ORC3: variants seen among roughly 807,000 people sequenced by gnomAD.
The protein encoded by ORC3 is homolog of latheo, Drosophila.
In ORC3, 78 loss-of-function variants were observed where a neutral mutation model predicts 100.7. The ratio of observed to expected loss-of-function variants is 0.77; its 90% CI spans 0.65 to 0.94. ORC3 has a LOEUF of 0.94. Ranked by LOEUF, ORC3 falls within the 40% of genes least tolerant of loss-of-function variation. ORC3 has a pLI of 0.00. For missense variants in ORC3, 789 were observed against 823.9 expected (o/e 0.96, Z 0.52); for synonymous variants, 295 against 289.3 (o/e 1.02, Z -0.20).
At position 87,666,787 on chromosome 6, in the gene ORC3, A is replaced by T. The variant is rs536275377; in HGVS notation, c.2031-231A>T. 1.3e-3 allele frequency among the ~76,000 whole-genome samples: 202 copies of T among 152,176 alleles called. 2 individuals carry two copies. Among genetic ancestry groups the T allele is most frequent in the South Asian group, 0.013 (62 of 4,820 alleles). The stretch of plus-strand genomic sequence containing the variant: ...CGTTTAGAAGTGGGGGCGGGGAGCA[A>T]TTTCCATACTATGTAGAACATTAGA... On this transcript the variant is annotated intron_variant, in intron 19 of 19. Coordinates refer to ENST00000392844, the MANE Select transcript of ORC3 (RefSeq NM_012381.4).
chr6:87,658,021 A>G lies in ORC3; in HGVS notation c.1691+3A>G. The stretch of plus-strand genomic sequence containing the variant: ...AACTTCATTGACTGTCTAGTGAGGT[A>G]AGTCTAAATTTAGCTCTTAAGAGCT... On this transcript the variant is annotated splice_donor_region_variant and intron_variant, in intron 16 of 19. Transcript: ENST00000392844. The G allele has an allele frequency of 6.5e-7, 1 of 1,541,998 alleles. No homozygotes were observed. Among genetic ancestry groups the G allele is most frequent in the Non-Finnish European group, 9.0e-7 (1 of 1,115,710 alleles).
chr6:87,662,493 GAT>G (rs1770266902), intron 16 of ORC3, among the ~76,000 whole-genome samples: 1 of 152,126 alleles, frequency 6.6e-6, no homozygotes, highest in South Asian at 2.1e-4. Flanking sequence ...TTCCATGAAA[GAT>G]ATCAACTAAA....
At chr6:87,614,014 G>T (rs375945686) in intron 8 of ORC3, among the ~76,000 whole-genome samples, 4 of 152,322 alleles carry the variant, frequency 2.6e-5, no homozygotes, top group African/African-American at 9.6e-5. Flanking sequence ...TAAGGACTCT[G>T]TGTGGGGACT....
intron 8 of ORC3, among the ~76,000 whole-genome samples, chr6:87,613,765 T>C (rs999062025): frequency 6.6e-6 from 1 of 152,210 alleles, no homozygotes; most frequent in Admixed American, 6.5e-5. Context: ...GATGATCTCC[T>C]TTGACTCCAT....
chr6:87,637,849 C>CT (rs1400593953), intron 13 of ORC3, among the ~76,000 whole-genome samples: 3 of 152,208 alleles, frequency 2.0e-5, no homozygotes, highest in African/African-American at 7.2e-5. Context: ...TGAAGGCTTG[C>CT]TGTGTGCAAG....
At chr6:87,641,631 G>A (rs188442314) in intron 13 of ORC3, among the ~76,000 whole-genome samples, 268 of 152,260 alleles carry the variant, frequency 1.8e-3, no homozygotes, top group African/African-American at 6.2e-3. Context: ...AATCGAAGGT[G>A]ATTGATAGCT....
chr6:87,601,000 G>A (rs185666817), intron 2 of ORC3, among the ~76,000 whole-genome samples: 2 of 152,268 alleles, frequency 1.3e-5, no homozygotes, highest in African/African-American at 4.8e-5. Flanking sequence ...TTTGGAGAAA[G>A]CATTCAAAAA....
At chr6:87,627,214 G>T (rs1210125552) in intron 11 of ORC3, among the ~76,000 whole-genome samples, 9 of 149,622 alleles carry the variant, frequency 6.0e-5, no homozygotes, top group African/African-American at 2.0e-4. Flanking sequence ...GGCCAGGCTG[G>T]TCTCAAACTC....
At chr6:87,671,752 A>G (rs1770837650), downstream of ORC3, among the ~76,000 whole-genome samples, 1 of 152,164 alleles carries the variant, frequency 6.6e-6, no homozygotes, top group African/African-American at 2.4e-5. Flanking sequence ...TAGATTTAAC[A>G]ATGTGGAAAT....
intron 1 of ORC3, among the ~76,000 whole-genome samples, chr6:87,592,544 G>A (rs537757814): frequency 8.5e-5 from 13 of 152,194 alleles, no homozygotes; most frequent in African/African-American, 2.2e-4. Context: ...CAGGAGAATC[G>A]CCTGAACCCG....
At chr6:87,597,710 C>CACACACACACATAT (rs1554234483) in intron 2 of ORC3, among the ~76,000 whole-genome samples, 4 of 140,610 alleles carry the variant, frequency 2.8e-5, no homozygotes, top group African/African-American at 1.1e-4. Flanking sequence ...CACACACACA[C>CACACACACACATAT]ATATATATAT....
chr6:87,637,765 G>A (rs1167030081), intron 13 of ORC3, among the ~76,000 whole-genome samples: 1 of 152,162 alleles, frequency 6.6e-6, no homozygotes, highest in Non-Finnish European at 1.5e-5. Flanking sequence ...CAAGAACCAA[G>A]AATGCCAGTT....
chr6:87,672,581 A>G, the ORC3 span, among the ~76,000 whole-genome samples: 2 of 152,240 alleles, frequency 1.3e-5, no homozygotes, highest in Non-Finnish European at 2.9e-5. Flanking sequence ...TGAAAGGAGT[A>G]AAGAGAACCC....
intron 7 of ORC3, among the ~76,000 whole-genome samples, chr6:87,610,016 A>G (rs1403601698): frequency 6.6e-6 from 1 of 152,186 alleles, no homozygotes; most frequent in Non-Finnish European, 1.5e-5. Flanking sequence ...TTGCGTCTTC[A>G]AAGCAATCAT....
intron 3 of ORC3, among the ~76,000 whole-genome samples, chr6:87,602,185 T>C (rs1395250926): frequency 3.3e-5 from 5 of 151,818 alleles, no homozygotes; most frequent in African/African-American, 1.2e-4. Flanking sequence ...TGAGCCGAGA[T>C]AGTACCACGG....
At chr6:87,625,363 C>G (rs1017466912) in intron 11 of ORC3, among the ~76,000 whole-genome samples, 3 of 152,068 alleles carry the variant, frequency 2.0e-5, no homozygotes, top group Non-Finnish European at 2.9e-5. Flanking sequence ...ATCTGTTGTT[C>G]CCTGACTTTT....
chr6:87,607,157 G>A (rs1027424305), intron 5 of ORC3, among the ~76,000 whole-genome samples: 1 of 152,104 alleles, frequency 6.6e-6, no homozygotes, highest in Non-Finnish European at 1.5e-5. Flanking sequence ...ATGGCTGGGA[G>A]CAGTGTTTGA....
At chr6:87,613,996 T>G (rs1015268821) in intron 8 of ORC3, among the ~76,000 whole-genome samples, 26 of 152,212 alleles carry the variant, frequency 1.7e-4, no homozygotes, top group African/African-American at 6.3e-4. Flanking sequence ...CACTAGGCAG[T>G]GCCCCAGTAA....
At position 87,653,118 on chromosome 6, in the gene ORC3, T is replaced by C; in HGVS notation, c.1385T>C (p.Met462Thr). The C allele has an allele frequency of 6.2e-7, 1 of 1,611,804 alleles. No individual in the cohort carries two copies. Among genetic ancestry groups the C allele is most frequent in the Non-Finnish European group, 8.5e-7 (1 of 1,178,422 alleles). Residue 462 changes from methionine to threonine, a missense_variant and splice_region_variant, in exon 14 of 20, where the codon ATG (methionine) becomes ACG (threonine). Met to Thr is a moderately conservative substitution (Grantham distance 81). Transcript: ENST00000392844. ...EYASVLQLLR[M>T]LAKDELMTIL... ...TCCTGTCACTGACTCTGTTCTAGGATGTTGGCAAAGGATGAACTGATGACC... is the reference window on the plus strand; with the variant it reads ...TCCTGTCACTGACTCTGTTCTAGGACGTTGGCAAAGGATGAACTGATGACC...
Sources: allele counts gnomAD v4.1 joint callset (sites outside exome capture counted in the v4.1 genomes callset), GRCh38; gene constraint gnomAD v4.1.1; transcripts MANE v1.5; gene names NCBI Gene and HGNC (gene_info 2026-07-23, HGNC 2026-07-21).